CLDN2: variants seen among roughly 807,000 people sequenced by gnomAD.
CLDN2 encodes claudin 2, also known as claudin-2.
Under a neutral mutation model 8.2 loss-of-function variants are expected in CLDN2, and 1 was observed. The observed-to-expected ratio is 0.12, with a 90% CI of 0.04 to 0.58. The LOEUF (loss-of-function observed/expected upper bound fraction) is 0.58, where lower values mean the gene tolerates loss of function less well. Ranked by LOEUF, CLDN2 falls within the 20% of genes least tolerant of loss-of-function variation. The pLI, the probability that CLDN2 is intolerant of heterozygous loss-of-function variation, is 0.90. For synonymous variants in CLDN2, 70 were observed against 70.2 expected (o/e 1.00, Z 0.01); for missense variants, 108 against 172.9 (o/e 0.62, Z 2.11).
At position 106,928,147 on chromosome X, in the gene CLDN2, A is replaced by C. The variant is rs998368831; in HGVS notation, c.-82A>C. On this transcript the variant is annotated 5_prime_UTR_variant, in exon 2 of 2. Coordinates refer to ENST00000336803, the MANE Select transcript of CLDN2 (RefSeq NM_020384.4). The stretch of plus-strand genomic sequence containing the variant: ...TGGCAGAGAGACTCTGAAATGAGGG[A>C]TTAGAGGTGTTCAAGGAGCAAGAGC... 2.7e-5 allele frequency: 19 copies of C among 713,868 alleles called. No homozygotes were observed. In the Middle Eastern group the frequency reaches 1.4e-3, roughly 52 times the overall value. 58.8% of individuals were successfully genotyped at this position (713,868 alleles called of 1,213,427 possible).
Position 106,928,201 on chromosome X carries a change from T to C in CLDN2, c.-28T>C. The C allele has an allele frequency of 2.6e-6, 3 of 1,135,794 alleles. No individual in the cohort carries two copies. The highest frequency in any genetic ancestry group is 1.9e-5 in the South Asian group (1 of 52,130). The allele number at this position is 1,135,794 out of a possible 1,213,427, so 93.6% of individuals were successfully genotyped here. A position where few individuals can be genotyped will look rare whatever the true frequency, so the allele number is the denominator to read the frequency against. On this transcript the variant is annotated 5_prime_UTR_variant, in exon 2 of 2. Coordinates refer to ENST00000336803, the MANE Select transcript of CLDN2 (RefSeq NM_020384.4). ...AGCCTGAAGACAAGGGAGCAGTCCC[T>C]GAAGACGCTTCTACTGAGAGGTCTG...
At chrX:106,903,031 C>T (rs1933127930) in intron 1 of CLDN2, 2 of 914,721 alleles carry the variant, frequency 2.2e-6, no homozygotes, top group Admixed American at 2.5e-5. Context: ...ATTGCTTTTC[C>T]CCTTCACAGA....
Position 106,928,981 on chromosome X carries a change from C to A in CLDN2, c.*60C>A. ...CTGTGAAAAACAGTGGACAGCACCC[C>A]GAGGGCCACAGGTGAGGGACACTAC... On this transcript the variant is annotated 3_prime_UTR_variant, in exon 2 of 2. Coordinates refer to ENST00000336803, the MANE Select transcript of CLDN2 (RefSeq NM_020384.4). 1 of 982,704 alleles carries A rather than the reference C, an allele frequency of 1.0e-6. No homozygotes were observed. The highest frequency in any genetic ancestry group is 1.4e-6 in the Non-Finnish European group (1 of 702,034). 81.0% of individuals were successfully genotyped at this position (982,704 alleles called of 1,213,427 possible). A position where few individuals can be genotyped will look rare whatever the true frequency, so the allele number is the denominator to read the frequency against.
Position 106,923,045 on chromosome X carries a change from G to A in CLDN2, c.-179+2494G>A, listed in dbSNP as rs776602519. Among the ~76,000 whole-genome samples, 117 of 105,596 alleles carry A rather than the reference G, an allele frequency of 1.1e-3. 1 individual carries two copies. Among genetic ancestry groups the A allele is most frequent in the Non-Finnish European group, 1.9e-3 (100 of 51,602 alleles). 91.7% of individuals were successfully genotyped at this position (105,596 alleles called of 115,157 possible). A position where few individuals can be genotyped will look rare whatever the true frequency, so the allele number is the denominator to read the frequency against. On this transcript the variant is annotated intron_variant, in intron 1 of 1. Transcript: ENST00000336803. ...GGCTGGAGTGCAGTGGCACAATCTCGGCTCACTGCAACCTCCACCTCCCGG... is the reference window on the plus strand; with the variant it reads ...GGCTGGAGTGCAGTGGCACAATCTCAGCTCACTGCAACCTCCACCTCCCGG...
At chrX:106,925,461 A>G (rs1933452397) in intron 1 of CLDN2, among the ~76,000 whole-genome samples, 1 of 112,479 alleles carries the variant, frequency 8.9e-6, no homozygotes, top group South Asian at 3.7e-4. Flanking sequence ...TGATTGAAGA[A>G]CTGGAAGTAA....
chrX:106,905,329 T>C (rs1217599740), intron 1 of CLDN2, among the ~76,000 whole-genome samples: 1 of 111,602 alleles, frequency 9.0e-6, no homozygotes, highest in Non-Finnish European at 1.9e-5. Flanking sequence ...TGAGGTGAAA[T>C]GAGTTCAGTG....
chrX:106,915,508 C>G (rs779473815), upstream of CLDN2, among the ~76,000 whole-genome samples: 111 of 112,576 alleles, frequency 9.9e-4, no homozygotes, highest in African/African-American at 3.5e-3. Context: ...TTAATACCAA[C>G]TATTCAAAGA....
chrX:106,928,912 G>T lies in CLDN2; in HGVS notation c.684G>T (p.Gly228=), dbSNP rs748294630. Residue 228 remains glycine, a synonymous_variant, in exon 2 of 2, where the codon GGG becomes GGT. Transcript: ENST00000336803. The part of the protein sequence containing the change: ...KSEFNSYSLT[G]YV ...AGTTCAATTCCTACAGCCTGACAGG[G>T]TATGTGTGAAGAACCAGGGGCCAGA... The T allele has an allele frequency of 3.3e-6, 4 of 1,208,486 alleles. No individual in the cohort carries two copies. Among genetic ancestry groups the T allele is most frequent in the Non-Finnish European group, 3.4e-6 (3 of 893,223 alleles).
intron 1 of CLDN2, among the ~76,000 whole-genome samples, chrX:106,907,525 AC>A (rs1359514664): frequency 1.8e-5 from 2 of 110,241 alleles, no homozygotes; most frequent in Non-Finnish European, 3.8e-5. Flanking sequence ...ACATGGCAAA[AC>A]CCCATCTCTA....
At position 106,901,506 on chromosome X, in the gene CLDN2, G is replaced by A. The variant is rs774712878; in HGVS notation, c.-179+1002G>A. 5 of 1,209,721 alleles carry A rather than the reference G, an allele frequency of 4.1e-6. No homozygotes were observed. The African/African-American group carries it at 8.7e-5, about 21-fold the overall frequency. ...GGTGATGGAACTTGGATTCAGCCTTGGTGACCTCAGCAGCCGTTGCCCCAC... is the reference window on the plus strand; with the variant it reads ...GGTGATGGAACTTGGATTCAGCCTTAGTGACCTCAGCAGCCGTTGCCCCAC... On this transcript the variant is annotated intron_variant, in intron 1 of 1. Coordinates refer to the CLDN2 transcript ENST00000541806.
chrX:106,900,974 A>C, intron 1 of CLDN2: 1 of 1,145,337 alleles, frequency 8.7e-7, no homozygotes. Flanking sequence ...AGTAGGGCCA[A>C]GAAAGAAGCT....
upstream of CLDN2, among the ~76,000 whole-genome samples, chrX:106,918,021 T>C (rs763224074): frequency 4.5e-5 from 5 of 111,730 alleles, no homozygotes; most frequent in South Asian, 7.6e-4. Context: ...CCTTGAATGA[T>C]TGCCAATCTG....
chrX:106,927,167 T>G (rs1015429359), intron 1 of CLDN2, among the ~76,000 whole-genome samples: 1 of 111,799 alleles, frequency 8.9e-6, no homozygotes, highest in Admixed American at 9.4e-5. Flanking sequence ...GTCCTGAATC[T>G]TGGCAACACC....
At chrX:106,900,912 T>C in intron 1 of CLDN2, 2 of 1,207,263 alleles carry the variant, frequency 1.7e-6, no homozygotes, top group South Asian at 3.6e-5. Context: ...GAAGAGCCTG[T>C]GGACAGAGAA....
rs1933539272 is a variant in CLDN2 at position 106,930,591 on chromosome X, C to T, written c.*1670C>T. 8 of 122,896 alleles carry T rather than the reference C, an allele frequency of 6.5e-5. No individual in the cohort carries two copies. The Admixed American group carries it at 7.6e-4, about 12-fold the overall frequency. 10.1% of individuals were successfully genotyped at this position (122,896 alleles called of 1,213,427 possible). A position where few individuals can be genotyped will look rare whatever the true frequency, so the allele number is the denominator to read the frequency against. On this transcript the variant is annotated 3_prime_UTR_variant, in exon 2 of 2. Coordinates refer to ENST00000336803, the MANE Select transcript of CLDN2 (RefSeq NM_020384.4). ...CCTCCTCAGGCTTGGAGAACTTCCT[C>T]AGCGTCACCTCCTTCATTGAGCCTT...
In CLDN2 at chrX:106,928,582, G is replaced by A. The variant is rs1446301117; in HGVS notation, c.354G>A (p.Ala118=). 7.4e-6 allele frequency: 9 copies of A among 1,209,533 alleles called. No individual in the cohort carries two copies. The highest frequency in any genetic ancestry group is 3.5e-5 in the African/African-American group (2 of 57,065). Residue 118 remains alanine, a synonymous_variant, in exon 2 of 2, where the codon GCG becomes GCA. Coordinates refer to ENST00000336803, the MANE Select transcript of CLDN2 (RefSeq NM_020384.4). ...CQESRAKDRV[A]VAGGVFFILG... is the part of the protein sequence containing the mutation. ...AATCCCGAGCCAAAGACAGAGTGGCGGTAGCAGGTGGAGTCTTTTTCATCC... is the reference window on the plus strand; with the variant it reads ...AATCCCGAGCCAAAGACAGAGTGGCAGTAGCAGGTGGAGTCTTTTTCATCC...
At chrX:106,927,719 G>A (rs1933488296) in intron 1 of CLDN2, among the ~76,000 whole-genome samples, 1 of 112,111 alleles carries the variant, frequency 8.9e-6, no homozygotes. Flanking sequence ...CTGCAATTGA[G>A]GGGCCCTATG....
intron 1 of CLDN2, chrX:106,903,010 G>T: frequency 1.4e-6 from 1 of 711,917 alleles, no homozygotes; most frequent in African/African-American, 2.1e-5. Context: ...AGGAGGGAGG[G>T]CTATGAGGCC....
chrX:106,922,250 C>T (rs374661183), intron 1 of CLDN2, among the ~76,000 whole-genome samples: 1 of 112,520 alleles, frequency 8.9e-6, no homozygotes, highest in East Asian at 2.8e-4. Context: ...GCTGAACCCC[C>T]CCTCCATGGG....
Sources: gnomAD v4.1 joint callset for allele counts (sites outside exome capture counted in the v4.1 genomes callset) on GRCh38, gnomAD v4.1.1 for gene constraint, MANE v1.5 for transcripts, NCBI Gene and HGNC (gene_info 2026-07-23, HGNC 2026-07-21) for gene names.